The following OR2L13 variants were observed in gnomAD, a reference collection of about 807,000 sequenced individuals.
The protein encoded by OR2L13 is olfactory receptor 2L13.
In OR2L13, 14 loss-of-function variants were observed where a neutral mutation model predicts 15.3. The observed-to-expected ratio is 0.91, with a 90% CI of 0.60 to 1.43. The LOEUF (loss-of-function observed/expected upper bound fraction) is 1.43. Among genes scored for constraint, OR2L13 ranks in the 40% most tolerant of loss-of-function variants. The pLI is 0.00. For synonymous variants in OR2L13, 152 were observed against 142.9 expected (o/e 1.06, Z -0.45); for missense variants, 367 against 387.9 (o/e 0.95, Z 0.45).
In OR2L13 at chr1:248,100,222, A is replaced by G. The variant is rs79701352; in HGVS notation, c.847A>G (p.Met283Val). Residue 283 changes from methionine (M) to valine (V), a missense_variant, in exon 3 of 3, where the codon ATG (methionine) becomes GTG (valine). By Grantham distance (21) the Met-to-Val change is conservative (BLOSUM62 1). Transcript: ENST00000641714. ...AGTCTTCTACACCATCCTTACCCCC[A>G]TGCTCAATCCCATTATCTACAGCCT... 1.0e-3 allele frequency: 1,605 copies of G among 1,612,722 alleles called. 16 individuals are homozygous for G. The African/African-American group carries it at 0.018, about 18-fold the overall frequency.
the OR2L13 span, among the ~76,000 whole-genome samples, chr1:248,007,648 T>A: frequency 0.083 from 12,617 of 152,262 alleles, 654 homozygotes; most frequent in East Asian, 0.16. Context: ...TTCCTCGTTT[T>A]AGCCATTTTT....
chr1:248,076,840 C>G, the OR2L13 span, among the ~76,000 whole-genome samples: 13 of 152,126 alleles, frequency 8.5e-5, no homozygotes, highest in African/African-American at 2.7e-4. Flanking sequence ...TTATTTCTTT[C>G]TCTTGCCTAA....
chr1:247,972,674 C>T, the OR2L13 span, among the ~76,000 whole-genome samples: 2 of 152,124 alleles, frequency 1.3e-5, no homozygotes, highest in Non-Finnish European at 2.9e-5. Flanking sequence ...CAGACAGATT[C>T]ACAGCCAAAT....
the OR2L13 span, among the ~76,000 whole-genome samples, chr1:248,068,268 C>T: frequency 5.8e-4 from 88 of 152,048 alleles, 1 homozygote; most frequent in Non-Finnish European, 1.1e-3. Flanking sequence ...AGACTGACAC[C>T]TCACACGGCC....
chr1:247,986,782 T>C, the OR2L13 span, among the ~76,000 whole-genome samples: 15 of 152,206 alleles, frequency 9.9e-5, no homozygotes, highest in Admixed American at 4.6e-4. Flanking sequence ...TCCTCTTTCA[T>C]TTCATTGAGC....
the OR2L13 span, among the ~76,000 whole-genome samples, chr1:247,954,275 A>G: frequency 6.6e-6 from 1 of 152,178 alleles, no homozygotes; most frequent in African/African-American, 2.4e-5. Context: ...AAAATAGACA[A>G]TGACTTTTAA....
chr1:248,083,826 T>C, the OR2L13 span: 73 of 1,613,414 alleles, frequency 4.5e-5, no homozygotes, highest in African/African-American at 8.6e-4. Context: ...GGGTCTCATA[T>C]AGGTAAAAAT....
chr1:247,944,720 T>A, the OR2L13 span, among the ~76,000 whole-genome samples: 4 of 152,178 alleles, frequency 2.6e-5, no homozygotes, highest in Admixed American at 2.6e-4. Flanking sequence ...AATGGGCATT[T>A]GGGTTGATTC....
At chr1:248,019,863 T>G in the OR2L13 span, among the ~76,000 whole-genome samples, 2 of 152,084 alleles carry the variant, frequency 1.3e-5, no homozygotes, top group African/African-American at 4.8e-5. Flanking sequence ...CTTGGCTCAC[T>G]GCAACCTCGG....
the OR2L13 span, chr1:247,949,246 A>G: frequency 7.4e-6 from 12 of 1,614,044 alleles, no homozygotes; most frequent in Non-Finnish European, 1.0e-5. Context: ...TTTCCTCTCC[A>G]CTATCTCATC....
At chr1:248,022,182 A>T in the OR2L13 span, 1 of 1,614,012 alleles carries the variant, frequency 6.2e-7, no homozygotes, top group Non-Finnish European at 8.5e-7. Context: ...GATTGTTCCT[A>T]AGATGGCTTC....
chr1:248,003,091 T>C, the OR2L13 span: 1 of 976,860 alleles, frequency 1.0e-6, no homozygotes, highest in East Asian at 2.4e-5. Flanking sequence ...TGTCTTAACT[T>C]ACTCGTGTCT....
the OR2L13 span, among the ~76,000 whole-genome samples, chr1:248,016,089 C>T: frequency 6.6e-6 from 1 of 152,100 alleles, no homozygotes; most frequent in African/African-American, 2.4e-5. Context: ...TCTTTGTCTT[C>T]TATGAATATG....
chr1:248,084,508 A>C, the OR2L13 span: 162 of 1,613,024 alleles, frequency 1.0e-4, no homozygotes, highest in Middle Eastern at 1.6e-4. Context: ...AACGATACTC[A>C]GAACCATCAT....
chr1:248,067,418 C>A, the OR2L13 span, among the ~76,000 whole-genome samples: 1 of 152,122 alleles, frequency 6.6e-6, no homozygotes, highest in African/African-American at 2.4e-5. Context: ...GGAAAAACTC[C>A]TAAGTATAAT....
chr1:248,017,897 G>A, the OR2L13 span, among the ~76,000 whole-genome samples: 1 of 152,102 alleles, frequency 6.6e-6, no homozygotes, highest in African/African-American at 2.4e-5. Context: ...TTCCTAACCA[G>A]CTAAGAAGGA....
the OR2L13 span, among the ~76,000 whole-genome samples, chr1:248,066,418 A>G: frequency 2.0e-5 from 3 of 152,208 alleles, no homozygotes; most frequent in African/African-American, 4.8e-5. Flanking sequence ...CAACCCCACT[A>G]CTAACTTTTT....
At chr1:247,955,663 T>C in the OR2L13 span, among the ~76,000 whole-genome samples, 3 of 114,346 alleles carry the variant, frequency 2.6e-5, no homozygotes, top group South Asian at 8.3e-4. Flanking sequence ...AGATGGTATC[T>C]CATTGTAGTT....
the OR2L13 span, chr1:248,038,304 T>A: frequency 6.2e-7 from 1 of 1,612,930 alleles, no homozygotes; most frequent in Non-Finnish European, 8.5e-7. Flanking sequence ...TGATTTCATC[T>A]TATTGGGGCT....
Sources: gnomAD v4.1 joint callset for allele counts (sites outside exome capture counted in the v4.1 genomes callset) on GRCh38, gnomAD v4.1.1 for gene constraint, MANE v1.5 for transcripts, NCBI Gene and HGNC (gene_info 2026-07-23, HGNC 2026-07-21) for gene names.